GRTP1: variants seen among roughly 807,000 people sequenced by gnomAD.
GRTP1 encodes the protein growth hormone-regulated TBC protein 1.
GRTP1 carries 56 observed loss-of-function variants against 38.1 expected under a neutral mutation model. The ratio of observed to expected loss-of-function variants is 1.47; its 90% confidence interval spans 1.19 to 1.84. The LOEUF (loss-of-function observed/expected upper bound fraction) is 1.84, where lower values mean the gene tolerates loss of function less well. GRTP1 is among the 40% of genes most tolerant of loss of function. The probability of loss-of-function intolerance (pLI) is 0.00; values close to 1 mark genes in which losing one functional copy is unlikely to be tolerated. For synonymous variants in GRTP1, 217 were observed against 189.5 expected (o/e 1.14, Z -1.19); for missense variants, 506 against 453.9 (o/e 1.11, Z -1.04).
At chr13:113,350,428 T>TCCCACAGCGCACGCAC (rs372392510) in intron 4 of GRTP1, among the ~76,000 whole-genome samples, 2 of 122,526 alleles carry the variant, frequency 1.6e-5, no homozygotes, top group Non-Finnish European at 3.4e-5. Context: ...AGCACACACA[T>TCCCACAGCGCACGCAC]CCCACAGCGC....
intron 5 of GRTP1, 102 bp from the exon 6 acceptor site, chr13:113,326,193 G>A: frequency 1.4e-6 from 2 of 1,430,794 alleles, no homozygotes; most frequent in Non-Finnish European, 1.9e-6. Flanking sequence ...ACCCTGGGAG[G>A]ACCCCTCCCA....
intron 5 of GRTP1, among the ~76,000 whole-genome samples, chr13:113,337,876 C>T (rs1167340326): frequency 6.6e-6 from 1 of 152,276 alleles, no homozygotes; most frequent in East Asian, 1.9e-4. Context: ...CCCACCTCTG[C>T]TCACGGGGCT....
intron 3 of GRTP1, 94 bp downstream of exon 3, chr13:113,355,229 G>A (rs1291872832): frequency 3.1e-6 from 4 of 1,299,302 alleles, no homozygotes; most frequent in East Asian, 4.8e-5. Flanking sequence ...CAGGCGCACC[G>A]CTCACCCCTG....
intron 2 of GRTP1, chr13:113,360,358 C>T (rs958914268): frequency 6.6e-6 from 1 of 152,086 alleles, no homozygotes; most frequent in African/African-American, 2.4e-5. Flanking sequence ...TAATAACTGT[C>T]CCTTAAGACA....
At chr13:113,332,929 C>G (rs1259114804) in intron 5 of GRTP1, among the ~76,000 whole-genome samples, 2 of 152,252 alleles carry the variant, frequency 1.3e-5, no homozygotes, top group Admixed American at 6.5e-5. Flanking sequence ...GTGTGCAGCC[C>G]AGGAGTCCAC....
rs1262841445 is a variant in GRTP1 at position 113,324,170 on chromosome 13, C to CCAGT, written c.*314_*317dup. 1 of 317,806 alleles carries CCAGT rather than the reference C, an allele frequency of 3.1e-6. No homozygotes were observed. The highest frequency in any genetic ancestry group is 5.7e-6 in the Non-Finnish European group (1 of 176,474). 19.7% of individuals were successfully genotyped at this position (317,806 alleles called of 1,614,324 possible). ...CAGTGACCACTCACTATGTTAATTT[C>CCAGT]CAGTCAGCTGAGAAACTGATCACAA... On this transcript the variant is annotated 3_prime_UTR_variant, in exon 8 of 8. Coordinates refer to ENST00000375431, the MANE Select transcript of GRTP1 (RefSeq NM_024719.4).
chr13:113,353,368 T>C (rs1478046312), intron 3 of GRTP1, among the ~76,000 whole-genome samples: 1 of 152,230 alleles, frequency 6.6e-6, no homozygotes, highest in Non-Finnish European at 1.5e-5. Flanking sequence ...AGGGGTCCAC[T>C]GATAGATGGA....
intron 5 of GRTP1, among the ~76,000 whole-genome samples, chr13:113,337,880 C>T (rs553835825): frequency 3.3e-5 from 5 of 152,378 alleles, no homozygotes; most frequent in African/African-American, 9.6e-5. Context: ...CCTCTGCTCA[C>T]GGGGCTGAGC....
intron 3 of GRTP1, among the ~76,000 whole-genome samples, chr13:113,354,711 G>A (rs986149381): frequency 5.9e-5 from 9 of 152,124 alleles, no homozygotes; most frequent in Non-Finnish European, 1.3e-4. Flanking sequence ...ATTTTTAGTA[G>A]AGACCGGGTT....
At chr13:113,341,323 G>C (rs1302362652) in intron 5 of GRTP1, among the ~76,000 whole-genome samples, 1 of 152,226 alleles carries the variant, frequency 6.6e-6, no homozygotes, top group East Asian at 1.9e-4. Context: ...CCTGAGTGCA[G>C]TGGTGTGATC....
chr13:113,340,316 T>TA (rs1163372060), intron 5 of GRTP1, among the ~76,000 whole-genome samples: 329 of 136,392 alleles, frequency 2.4e-3, no homozygotes, highest in African/African-American at 6.1e-3. Flanking sequence ...TCTCTACAAA[T>TA]AAAAAAAAAA....
At position 113,342,369 on chromosome 13, in the gene GRTP1, G is replaced by A. The variant is rs547536990; in HGVS notation, c.562+2494C>T. On this transcript the variant is annotated intron_variant, in intron 5 of 7. Transcript: ENST00000375431. This position sits in a 1 kb window ranked among gnomAD's most constrained non-coding sequence, Gnocchi z 4.5. ...AAATACAAAAAAAAATTGGCCAGGC[G>A]TAGTGGCGGGCGCCTGTAGTCCCAG... Among the ~76,000 whole-genome samples, 15 of 151,860 alleles carry A rather than the reference G, an allele frequency of 9.9e-5. No homozygotes were observed. The South Asian group carries it at 1.5e-3, about 15-fold the overall frequency.
chr13:113,346,288 G>GGGAGGACCTCTGTGGCCGAGAACA (rs2043130899), intron 4 of GRTP1, among the ~76,000 whole-genome samples: 1 of 43,130 alleles, frequency 2.3e-5, no homozygotes. Flanking sequence ...GTGGCTGAGC[G>GGGAGGACCTCTGTGGCCGAGAACA]GATCTGGGAG....
chr13:113,363,682 C>T (rs1174694694), intron 2 of GRTP1, 80 bp downstream of exon 2: 2 of 1,430,384 alleles, frequency 1.4e-6, no homozygotes, highest in African/African-American at 1.4e-5. Flanking sequence ...CCCTCCGCTC[C>T]GGGAGCCCGG....
At chr13:113,340,869 A>C (rs2139438446) in intron 5 of GRTP1, among the ~76,000 whole-genome samples, 1 of 152,280 alleles carries the variant, frequency 6.6e-6, no homozygotes, top group South Asian at 2.1e-4. Flanking sequence ...GTAAAAACCC[A>C]GTGTGTCCAT....
rs369475372 is a variant in GRTP1 at position 113,355,523 on chromosome 13, G to A, written c.182-42C>T. 73 of 1,546,882 alleles carry A rather than the reference G, an allele frequency of 4.7e-5. 1 individual carries two copies. The African/African-American group carries it at 9.3e-4, about 20-fold the overall frequency. On this transcript the variant is annotated intron_variant, in intron 2 of 7. Transcript: ENST00000375431. ...CGGACAGCGTGTGAGCTGGACCAGG[G>A]GCCTGCGGGGCCCACGCGTTCCTGC...
intron 5 of GRTP1, among the ~76,000 whole-genome samples, 192 bp from the exon 6 acceptor site, chr13:113,326,283 C>T (rs1229836305): frequency 6.6e-6 from 1 of 151,432 alleles, no homozygotes; most frequent in Non-Finnish European, 1.5e-5. Context: ...ACCCCCACAG[C>T]CAGGCCTTTC....
Position 113,352,442 on chromosome 13 carries a change from C to T in GRTP1, c.341-1469G>A, listed in dbSNP as rs369154470. On this transcript the variant is annotated intron_variant, in intron 3 of 7. Transcript: ENST00000375431. ...AGGCTGGAGTGCAGAGGTGCAATCA[C>T]GGCTCACTGCATCCTCGACCTCCAG... is the stretch of plus-strand genomic sequence containing the variant. Among the ~76,000 whole-genome samples, 473 of 143,660 alleles carry T rather than the reference C, an allele frequency of 3.3e-3. 5 individuals carry two copies. The highest frequency in any genetic ancestry group is 0.011 in the African/African-American group (453 of 39,494). The allele number at this position is 143,660 out of a possible 152,430, so 94.2% of individuals were successfully genotyped here.
chr13:113,336,945 G>T (rs1234869295), intron 5 of GRTP1, among the ~76,000 whole-genome samples: 2 of 152,194 alleles, frequency 1.3e-5, no homozygotes, highest in Admixed American at 1.3e-4. Flanking sequence ...TTTCTGATGT[G>T]CTTATGCTGT....
Sources: gnomAD v4.1 joint callset for allele counts (sites outside exome capture counted in the v4.1 genomes callset) on GRCh38, gnomAD v4.1.1 for gene constraint, Gnocchi (gnomAD v3.1) non-coding constraint, MANE v1.5 for transcripts, NCBI Gene and HGNC (gene_info 2026-07-23, HGNC 2026-07-21) for gene names.